The following TMEM156 variants were observed in gnomAD, a reference collection of about 807,000 sequenced individuals.
TMEM156 encodes the protein transmembrane protein 156.
In TMEM156, 28 loss-of-function variants were observed where a neutral mutation model predicts 30.5. That is an observed-to-expected ratio of 0.92 (90% confidence interval 0.68 to 1.26). TMEM156 has a LOEUF of 1.26. Ranked by LOEUF, TMEM156 falls within the 50% of genes most tolerant of loss-of-function variation. The pLI is 0.00. For missense variants in TMEM156, 351 were observed against 340.6 expected, an observed-to-expected ratio of 1.03 and a Z score of -0.24; for synonymous variants, 137 against 119.9, an observed-to-expected ratio of 1.14 and a Z score of -0.93.
chr4:39,000,654 A>G (rs1237185726), intron 1 of TMEM156, among the ~76,000 whole-genome samples: 1 of 152,170 alleles, frequency 6.6e-6, no homozygotes, highest in Admixed American at 6.5e-5. Flanking sequence ...TGGGAGGCTG[A>G]GGCAGTTGGA....
chr4:39,027,047 G>T (rs1337450068), intron 1 of TMEM156, among the ~76,000 whole-genome samples: 1 of 152,200 alleles, frequency 6.6e-6, no homozygotes, highest in African/African-American at 2.4e-5. Flanking sequence ...TCTTGAGAAT[G>T]ATGCTGCGCC....
At chr4:39,013,692 G>A (rs1356362675) in intron 1 of TMEM156, among the ~76,000 whole-genome samples, 2 of 151,882 alleles carry the variant, frequency 1.3e-5, no homozygotes, top group African/African-American at 2.4e-5. Flanking sequence ...GAGCCATCGC[G>A]CCCGGCCAAT....
At chr4:39,032,110 C>A in intron 1 of TMEM156, 116 bp downstream of exon 1, 2 of 648,682 alleles carry the variant, frequency 3.1e-6, no homozygotes, top group East Asian at 2.8e-5. Context: ...TTTTTCAGAT[C>A]TAGAACTTCA....
chr4:39,021,862 G>C lies in TMEM156; in HGVS notation c.88+10364C>G, dbSNP rs78600122. Reference sequence around the variant, plus strand: ...TCTTCTGTGCTTACTCATACTTTTTGATGTAATATTTTCTGTACTGAAACA... The same window carrying C: ...TCTTCTGTGCTTACTCATACTTTTTCATGTAATATTTTCTGTACTGAAACA... On this transcript the variant is annotated intron_variant, in intron 1 of 6. Coordinates refer to ENST00000381938, the MANE Select transcript of TMEM156 (RefSeq NM_024943.3). 4.6e-5 allele frequency among the ~76,000 whole-genome samples: 7 copies of C among 152,180 alleles called. No homozygotes were observed. The East Asian group carries it at 1.3e-3, about 29-fold the overall frequency.
At chr4:38,989,407 G>C (rs1447355455) in intron 3 of TMEM156, among the ~76,000 whole-genome samples, 1 of 152,224 alleles carries the variant, frequency 6.6e-6, no homozygotes, top group Admixed American at 6.5e-5. Flanking sequence ...GGAAGAAAGA[G>C]AAAGGCAGGC....
Position 39,004,573 on chromosome 4 carries a change from A to G in TMEM156, c.89-5664T>C, listed in dbSNP as rs1358553752. Among the ~76,000 whole-genome samples, 3 of 152,090 alleles carry G rather than the reference A, an allele frequency of 2.0e-5. No homozygotes were observed. In the East Asian group the frequency reaches 5.8e-4, roughly 29 times the overall value. ...AAATATATACATATATATGGAATAT[A>G]CCATATGTATTCTGTGATTTGCTTT... On this transcript the variant is annotated intron_variant, in intron 1 of 6. Coordinates refer to ENST00000381938, the MANE Select transcript of TMEM156 (RefSeq NM_024943.3).
chr4:38,978,548 C>A (rs745441975), intron 5 of TMEM156, among the ~76,000 whole-genome samples: 2 of 152,130 alleles, frequency 1.3e-5, no homozygotes, highest in Non-Finnish European at 2.9e-5. Flanking sequence ...TGGGTTCAGG[C>A]AGTTCAAGGA....
intron 2 of TMEM156, among the ~76,000 whole-genome samples, chr4:38,997,245 C>G (rs1290635442): frequency 2.6e-5 from 4 of 152,172 alleles, no homozygotes; most frequent in African/African-American, 9.7e-5. Flanking sequence ...AGTTACGGCA[C>G]TACTTGAGTA....
Position 38,971,041 on chromosome 4 carries a change from T to C in TMEM156, c.*29A>G. 2 of 1,597,860 alleles carry C rather than the reference T, an allele frequency of 1.3e-6. No homozygotes were observed. Among genetic ancestry groups the C allele is most frequent in the Non-Finnish European group, 1.7e-6 (2 of 1,165,644 alleles). On this transcript the variant is annotated 3_prime_UTR_variant, in exon 6 of 7. Coordinates refer to ENST00000381938, the MANE Select transcript of TMEM156 (RefSeq NM_024943.3). ...CCGAATCATCACTCACCGTGTATAT[T>C]GATCTCACTGATGCACTGTGGAAGT...
intron 1 of TMEM156, among the ~76,000 whole-genome samples, chr4:39,014,818 A>T (rs1714373526): frequency 6.6e-6 from 1 of 150,898 alleles, no homozygotes; most frequent in South Asian, 2.1e-4. Context: ...ATCTTTTTTT[A>T]AAAAAGAAAT....
At chr4:38,997,346 G>A (rs975883115) in intron 2 of TMEM156, among the ~76,000 whole-genome samples, 1 of 152,160 alleles carries the variant, frequency 6.6e-6, no homozygotes, top group Non-Finnish European at 1.5e-5. Flanking sequence ...TGGGTGATGG[G>A]CGCACTAGAA....
intron 1 of TMEM156, among the ~76,000 whole-genome samples, chr4:39,022,516 A>G (rs1714935946): frequency 1.3e-5 from 2 of 152,198 alleles, no homozygotes; most frequent in Non-Finnish European, 2.9e-5. Flanking sequence ...TTCTGCCTCC[A>G]AGGAGTCTTA....
At chr4:38,969,706 C>G (rs1245796133) in intron 6 of TMEM156, among the ~76,000 whole-genome samples, 1 of 152,204 alleles carries the variant, frequency 6.6e-6, no homozygotes, top group African/African-American at 2.4e-5. Flanking sequence ...GATCTTCCTG[C>G]CTCAGCCTCC....
At chr4:38,978,504 G>C (rs148173546) in intron 5 of TMEM156, among the ~76,000 whole-genome samples, 17 of 152,196 alleles carry the variant, frequency 1.1e-4, no homozygotes, top group African/African-American at 4.1e-4. Context: ...ATCATTTAAC[G>C]CCTCTGTGCC....
At chr4:38,995,682 T>C (rs925318975) in intron 2 of TMEM156, among the ~76,000 whole-genome samples, 3 of 152,158 alleles carry the variant, frequency 2.0e-5, no homozygotes, top group African/African-American at 7.2e-5. Context: ...GCCACTGCAC[T>C]CCAGCCTGGT....
intron 1 of TMEM156, among the ~76,000 whole-genome samples, chr4:39,019,021 A>T (rs1183693978): frequency 9.6e-5 from 8 of 83,082 alleles, no homozygotes; most frequent in Non-Finnish European, 1.6e-4. Context: ...ACTCCATCTT[A>T]AAAAAACAAA....
At chr4:38,990,155 A>G (rs1712318005) in intron 3 of TMEM156, among the ~76,000 whole-genome samples, 1 of 152,236 alleles carries the variant, frequency 6.6e-6, no homozygotes, top group Non-Finnish European at 1.5e-5. Context: ...AAAGACAGCT[A>G]GTACTTATGC....
chr4:39,006,417 G>T (rs1713741941), intron 1 of TMEM156, among the ~76,000 whole-genome samples: 2 of 151,774 alleles, frequency 1.3e-5, no homozygotes, highest in African/African-American at 4.8e-5. Flanking sequence ...TTTTTTATCA[G>T]GATATCTTCT....
intron 5 of TMEM156, among the ~76,000 whole-genome samples, chr4:38,984,349 CTGTGTGTGTGTGTG>C (rs34823853): frequency 3.7e-4 from 48 of 131,108 alleles, no homozygotes; most frequent in Admixed American, 1.7e-3. Flanking sequence ...CTCTCTCTCT[CTGTGTGTGTGTGTG>C]TGTGTGTGTG....
Sources: gnomAD v4.1 joint callset for allele counts (sites outside exome capture counted in the v4.1 genomes callset) on GRCh38, gnomAD v4.1.1 for gene constraint, MANE v1.5 for transcripts, NCBI Gene and HGNC (gene_info 2026-07-23, HGNC 2026-07-21) for gene names.